The following KTN1 variants were observed in gnomAD, a reference collection of about 807,000 sequenced individuals.
KTN1 encodes the protein kinectin 1.
In KTN1, 130 loss-of-function variants were observed where a neutral mutation model predicts 222.5. That is an observed-to-expected ratio of 0.58 (90% confidence interval 0.51 to 0.68). The LOEUF is 0.68. KTN1 is among the 30% of genes least tolerant of loss of function. The pLI is 0.00. For missense variants in KTN1, 1,508 were observed against 1,500.4 expected, an observed-to-expected ratio of 1.01 and a Z score of -0.08; for synonymous variants, 512 against 496.3, an observed-to-expected ratio of 1.03 and a Z score of -0.42.
chr14:55,663,083 C>A, intron 32 of KTN1: 1 of 417,332 alleles, frequency 2.4e-6, no homozygotes, highest in South Asian at 1.7e-5. Flanking sequence ...GTTTCCCTAT[C>A]TATAGAATGG....
rs770374292 is a variant in KTN1, at chr14:55,634,551, C to T, written c.1354C>T (p.Arg452Cys). ...GCAGTCTGCAGAACTAAATAAACTACGCCAGGATTATGCTAGGTTGGTGAA... is the reference window on the plus strand; with the variant it reads ...GCAGTCTGCAGAACTAAATAAACTATGCCAGGATTATGCTAGGTTGGTGAA... ...SKQSAELNKL[R>C]QDYARLVNEL... Residue 452 changes from arginine (R) to cysteine (C), a missense_variant, in exon 9 of 44, where the codon CGC becomes TGC. Physicochemically the swap from Arg to Cys is radical, Grantham distance 180. Coordinates refer to ENST00000395314, the MANE Select transcript of KTN1 (RefSeq NM_001079521.2). 35 of 1,613,098 alleles carry T rather than the reference C, an allele frequency of 2.2e-5. No individual in the cohort carries two copies. The highest frequency in any genetic ancestry group is 2.4e-5 in the Non-Finnish European group (28 of 1,179,628).
intron 1 of KTN1, among the ~76,000 whole-genome samples, chr14:55,582,934 G>C (rs143324271): frequency 3.0e-4 from 45 of 152,282 alleles, no homozygotes; most frequent in African/African-American, 1.0e-3. Context: ...TTCTCTAGAA[G>C]TGACATTGGT....
In KTN1 at chr14:55,629,947, ATTC is replaced by A. The variant is rs759002027; in HGVS notation, c.1081-7_1081-5del. ...TAACAAGTTTTTAAATTTCTGGGAT[ATTC>A]TTTTAGGAAATGATGACAGAGAAAG... On this transcript the variant is annotated splice_region_variant and splice_polypyrimidine_tract_variant and intron_variant, in intron 6 of 43. Coordinates refer to ENST00000395314, the MANE Select transcript of KTN1 (RefSeq NM_001079521.2). 6.4e-7 allele frequency: 1 copy of A among 1,556,976 alleles called. No individual in the cohort carries two copies. The highest frequency in any genetic ancestry group is 1.1e-5 in the South Asian group (1 of 87,420).
chr14:55,640,356 T>C lies in KTN1; in HGVS notation c.1915-18T>C. ...CAGTTGTATTAAGTATTTTAAATGC[T>C]ATTTTTCCTTGTTCTAGGATATACA... On this transcript the variant is annotated intron_variant, in intron 14 of 43. Coordinates refer to ENST00000395314, the MANE Select transcript of KTN1 (RefSeq NM_001079521.2). The C allele has an allele frequency of 1.3e-6, 2 of 1,483,296 alleles. No individual in the cohort carries two copies. The highest frequency in any genetic ancestry group is 1.9e-6 in the Non-Finnish European group (2 of 1,071,988). 91.9% of individuals were successfully genotyped at this position (1,483,296 alleles called of 1,614,324 possible). A position where few individuals can be genotyped will look rare whatever the true frequency, so the allele number is the denominator to read the frequency against.
intron 1 of KTN1, among the ~76,000 whole-genome samples, chr14:55,603,567 GTTC>G (rs1298188786): frequency 6.6e-6 from 1 of 152,188 alleles, no homozygotes; most frequent in Admixed American, 6.5e-5. Flanking sequence ...TCCCTTGAGA[GTTC>G]TTCATTTTCC....
At chr14:55,636,888 CAG>C (rs887205833) in intron 10 of KTN1, among the ~76,000 whole-genome samples, 14 of 150,764 alleles carry the variant, frequency 9.3e-5, no homozygotes, top group African/African-American at 3.4e-4. Flanking sequence ...AAGAGAAAAA[CAG>C]AGCATTACCA....
rs150950337 is a variant in KTN1, at chr14:55,661,235, G to C, written c.3000-287G>C. 7 of 221,476 alleles carry C rather than the reference G, an allele frequency of 3.2e-5. No homozygotes were observed. The East Asian group carries it at 6.7e-4, about 21-fold the overall frequency. 13.7% of individuals were successfully genotyped at this position (221,476 alleles called of 1,614,324 possible). ...ACTGACCCAGGTAAAACTATAAATA[G>C]CTACAACAGTTCATATCTTCATAAT... On this transcript the variant is annotated intron_variant, in intron 31 of 43. Transcript: ENST00000395314.
chr14:55,661,471 G>A, intron 31 of KTN1, 51 bp from the exon 32 acceptor site: 2 of 920,904 alleles, frequency 2.2e-6, no homozygotes, highest in Non-Finnish European at 3.6e-6. Flanking sequence ...GATCTAAGTT[G>A]TATTACTGTT....
intron 34 of KTN1, among the ~76,000 whole-genome samples, chr14:55,669,402 G>A (rs116648039): frequency 0.016 from 2,477 of 152,020 alleles, 38 homozygotes; most frequent in African/African-American, 0.043. Context: ...CTTTCTATGT[G>A]CTAACATTAG....
intron 1 of KTN1, among the ~76,000 whole-genome samples, chr14:55,595,742 A>G (rs923376718): frequency 2.6e-5 from 4 of 152,216 alleles, no homozygotes; most frequent in Non-Finnish European, 5.9e-5. Flanking sequence ...CTCCAAGGAT[A>G]GCTTGTTTAC....
At chr14:55,631,341 G>GATAT (rs56190231) in intron 7 of KTN1, among the ~76,000 whole-genome samples, 3,711 of 114,530 alleles carry the variant, frequency 0.032, 116 homozygotes, top group African/African-American at 0.054. Context: ...TGATAAGGTT[G>GATAT]ATATATATAT....
At chr14:55,610,114 T>A (rs2037323424) in intron 1 of KTN1, among the ~76,000 whole-genome samples, 1 of 152,204 alleles carries the variant, frequency 6.6e-6, no homozygotes, top group Admixed American at 6.5e-5. Flanking sequence ...CTAATACTAT[T>A]AAAAAATTGC....
chr14:55,632,922 A>G (rs2040700430), intron 7 of KTN1, among the ~76,000 whole-genome samples: 2 of 152,196 alleles, frequency 1.3e-5, no homozygotes, highest in South Asian at 4.1e-4. Context: ...GTATGAATCT[A>G]TTCGGTAGGA....
chr14:55,643,045 G>T (rs2041958752), intron 18 of KTN1, among the ~76,000 whole-genome samples: 1 of 152,106 alleles, frequency 6.6e-6, no homozygotes, highest in Non-Finnish European at 1.5e-5. Flanking sequence ...GAGTAGCTGG[G>T]ACTACAGGCA....
At chr14:55,683,432 C>T (rs916450114) in intron 43 of KTN1, 6 of 152,216 alleles carry the variant, frequency 3.9e-5, no homozygotes, top group African/African-American at 7.2e-5. Flanking sequence ...TACTTTAGCA[C>T]ACATCTCCGA....
intron 18 of KTN1, among the ~76,000 whole-genome samples, chr14:55,643,672 C>T (rs2141024874): frequency 6.6e-6 from 1 of 152,244 alleles, no homozygotes; most frequent in East Asian, 1.9e-4. Flanking sequence ...CTGTTCTTTG[C>T]TAAAAATGGT....
intron 2 of KTN1, among the ~76,000 whole-genome samples, chr14:55,613,385 A>C (rs1025377495): frequency 6.6e-6 from 1 of 152,078 alleles, no homozygotes; most frequent in Non-Finnish European, 1.5e-5. Context: ...AGCCTTGAAA[A>C]TTGGCGTGGC....
intron 5 of KTN1, among the ~76,000 whole-genome samples, chr14:55,627,057 G>A (rs2039931879): frequency 6.6e-6 from 1 of 152,118 alleles, no homozygotes; most frequent in Non-Finnish European, 1.5e-5. Context: ...CAGGGTCGTG[G>A]AGCATCTGAA....
At chr14:55,596,800 C>T (rs1207697489) in intron 1 of KTN1, among the ~76,000 whole-genome samples, 1 of 148,440 alleles carries the variant, frequency 6.7e-6, no homozygotes, top group Non-Finnish European at 1.5e-5. Flanking sequence ...AAGAATAGAA[C>T]CTTTTTTTTT....
Sources: gnomAD v4.1 joint callset for allele counts (sites outside exome capture counted in the v4.1 genomes callset) on GRCh38, gnomAD v4.1.1 for gene constraint, MANE v1.5 for transcripts, NCBI Gene and HGNC (gene_info 2026-07-23, HGNC 2026-07-21) for gene names.